The following AFAP1 variants were observed in gnomAD, a reference collection of about 807,000 sequenced individuals.
The protein encoded by AFAP1 is actin filament-associated protein 1.
AFAP1 carries 75 observed loss-of-function variants against 93.9 expected under a neutral mutation model. The ratio of observed to expected loss-of-function variants is 0.80; its 90% CI spans 0.66 to 0.97. The LOEUF is 0.97. AFAP1 is among the 50% of genes least tolerant of loss of function. The pLI is 0.00. For synonymous variants in AFAP1, 517 were observed against 430.7 expected, an observed-to-expected ratio of 1.20 and a Z score of -2.48; for missense variants, 1,201 against 1,050.8, an observed-to-expected ratio of 1.14 and a Z score of -1.98.
intron 14 of AFAP1, chr4:7,777,293 T>C (rs1716234723): frequency 6.6e-6 from 1 of 152,074 alleles, no homozygotes; most frequent in Non-Finnish European, 1.5e-5. Context: ...CAAATGGTGG[T>C]AGGAGGGAGG....
At chr4:7,857,849 A>G (rs150322988) in intron 3 of AFAP1, among the ~76,000 whole-genome samples, 10 of 152,068 alleles carry the variant, frequency 6.6e-5, no homozygotes, top group Non-Finnish European at 1.0e-4. Context: ...GCCCCAAGGA[A>G]CTTACTCTCT....
chr4:7,931,106 G>T (rs62290598), intron 1 of AFAP1, among the ~76,000 whole-genome samples: 11,176 of 152,204 alleles, frequency 0.073, 588 homozygotes, highest in Non-Finnish European at 0.11. Flanking sequence ...GGCAACAGGA[G>T]GAGCGGGGAG....
chr4:7,922,688 A>G (rs1194859855), intron 1 of AFAP1, among the ~76,000 whole-genome samples: 4 of 152,210 alleles, frequency 2.6e-5, no homozygotes, highest in Non-Finnish European at 5.9e-5. Flanking sequence ...GATCTTAACA[A>G]TGAAAAATCA....
chr4:7,876,685 T>C (rs1321224467), intron 1 of AFAP1, among the ~76,000 whole-genome samples: 1 of 152,216 alleles, frequency 6.6e-6, no homozygotes, highest in Non-Finnish European at 1.5e-5. Context: ...CTCGGAAAAC[T>C]GGGCTGCACT....
chr4:7,781,717 C>G, intron 12 of AFAP1, 90 bp from the exon 13 acceptor site: 1 of 1,488,548 alleles, frequency 6.7e-7, no homozygotes, highest in Non-Finnish European at 9.0e-7. Flanking sequence ...AATAGTACGG[C>G]ATTTAGCATA....
intron 4 of AFAP1, among the ~76,000 whole-genome samples, chr4:7,848,607 C>T (rs1486832164): frequency 4.6e-5 from 7 of 152,180 alleles, no homozygotes; most frequent in Admixed American, 3.9e-4. Flanking sequence ...CTCTGGGCCT[C>T]CAGCCTATCG....
chr4:7,854,176 T>A (rs1258620928), intron 4 of AFAP1, among the ~76,000 whole-genome samples: 1 of 152,248 alleles, frequency 6.6e-6, no homozygotes, highest in African/African-American at 2.4e-5. Flanking sequence ...CTGAGTTATA[T>A]CGAGGCATTT....
chr4:7,859,524 C>A (rs1715437414), intron 3 of AFAP1, among the ~76,000 whole-genome samples: 1 of 152,114 alleles, frequency 6.6e-6, no homozygotes, highest in Admixed American at 6.5e-5. Flanking sequence ...TGATCTTCAC[C>A]CCTGCTGTGA....
intron 10 of AFAP1, among the ~76,000 whole-genome samples, chr4:7,798,451 GC>G (rs1718691907): frequency 9.0e-6 from 1 of 110,904 alleles, no homozygotes; most frequent in Non-Finnish European, 2.0e-5. Flanking sequence ...AACCCTATTG[GC>G]TGGCTCACGG....
chr4:7,764,545 T>C (rs1249895146), intron 17 of AFAP1, among the ~76,000 whole-genome samples: 1 of 152,122 alleles, frequency 6.6e-6, no homozygotes, highest in East Asian at 1.9e-4. Flanking sequence ...ATGCTTAAAA[T>C]GGTCAATTTT....
At chr4:7,902,244 G>A (rs559229704) in intron 1 of AFAP1, among the ~76,000 whole-genome samples, 10 of 152,274 alleles carry the variant, frequency 6.6e-5, no homozygotes, top group South Asian at 2.1e-4. Context: ...CATGTGATGC[G>A]TGGAAGTAAA....
Position 7,874,188 on chromosome 4 carries a change from T to A in AFAP1, c.-2-2108A>T, listed in dbSNP as rs141595594. On this transcript the variant is annotated intron_variant, in intron 1 of 17. Transcript: ENST00000420658. ...AGCAAAATAAACTAAACTATTCTAA[T>A]GTAACAGAGGATGGCACAGCTTCAG... 4.4e-3 allele frequency among the ~76,000 whole-genome samples: 663 copies of A among 152,258 alleles called. 6 individuals carry two copies. The highest frequency in any genetic ancestry group is 0.014 in the African/African-American group (575 of 41,546).
At chr4:7,825,282 C>G (rs1721323979) in intron 6 of AFAP1, among the ~76,000 whole-genome samples, 1 of 152,194 alleles carries the variant, frequency 6.6e-6, no homozygotes, top group Non-Finnish European at 1.5e-5. Flanking sequence ...CTTTCCATCA[C>G]TCTAGCGCAC....
Position 7,923,144 on chromosome 4 carries a change from A to G in AFAP1, c.-3+16512T>C, listed in dbSNP as rs548471785. ...AGCTATTATAAGAAGACAAGACTCA[A>G]TTAAGACATAAGCAAAGGCCCTGGG... On this transcript the variant is annotated intron_variant, in intron 1 of 17. Coordinates refer to ENST00000420658, the MANE Select transcript of AFAP1 (RefSeq NM_001134647.2). Among the ~76,000 whole-genome samples the G allele has an allele frequency of 4.7e-4, 71 of 152,274 alleles. 1 individual carries two copies. The highest frequency in any genetic ancestry group is 1.6e-3 in the African/African-American group (68 of 41,566).
chr4:7,820,571 A>T lies in AFAP1; in HGVS notation c.727-1400T>A, dbSNP rs554814265. Among the ~76,000 whole-genome samples the T allele has an allele frequency of 2.0e-5, 3 of 152,260 alleles. No individual in the cohort carries two copies. The South Asian group carries it at 6.2e-4, about 32-fold the overall frequency. On this transcript the variant is annotated intron_variant, in intron 6 of 17. Coordinates refer to ENST00000420658, the MANE Select transcript of AFAP1 (RefSeq NM_001134647.2). The stretch of plus-strand genomic sequence containing the variant: ...AACCAGGAGAGCACAGTCTCCAAGG[A>T]GAGGGAGAAGAGAGCTCCACGGAGG...
At chr4:7,839,054 G>A (rs75531780) in intron 5 of AFAP1, among the ~76,000 whole-genome samples, 6,815 of 152,240 alleles carry the variant, frequency 0.045, 235 homozygotes, top group Non-Finnish European at 0.071. Flanking sequence ...AAAAACATAG[G>A]CTGGGCACGA....
Position 7,821,302 on chromosome 4 carries a change from G to A in AFAP1, c.727-2131C>T, listed in dbSNP as rs192477195. On this transcript the variant is annotated intron_variant, in intron 6 of 17. Transcript: ENST00000420658. ...TGGAAGAAGTCTAAGCCAGCATGTG[G>A]CACGTGTACATTCAAACCATGGAAG... is the stretch of plus-strand genomic sequence containing the variant. 3.5e-3 allele frequency among the ~76,000 whole-genome samples: 527 copies of A among 152,294 alleles called. 2 individuals are homozygous for A. Among genetic ancestry groups the A allele is most frequent in the Non-Finnish European group, 4.5e-3 (307 of 68,036 alleles).
chr4:7,858,621 T>C (rs956799419), intron 3 of AFAP1, among the ~76,000 whole-genome samples: 9 of 152,136 alleles, frequency 5.9e-5, no homozygotes, highest in East Asian at 5.8e-4. Flanking sequence ...AGGTTTCCAA[T>C]AGGGGCCACG....
rs58075483 is a variant in AFAP1, at chr4:7,827,569, CAAAAAAAA to C, written c.727-8406_727-8399del. The stretch of plus-strand genomic sequence containing the variant: ...ATGAACAAGAGTGAAACTCTGTCTC[CAAAAAAAA>C]AAAAAAAAAAAAAGGGAGAGGAGAG... On this transcript the variant is annotated intron_variant, in intron 6 of 17. Transcript: ENST00000420658. 9.4e-4 allele frequency among the ~76,000 whole-genome samples: 49 copies of C among 52,254 alleles called. 2 individuals are homozygous for C. Among genetic ancestry groups the C allele is most frequent in the African/African-American group, 3.8e-3 (47 of 12,504 alleles). The allele number at this position is 52,254 out of a possible 152,430, so 34.3% of individuals were successfully genotyped here. A position where few individuals can be genotyped will look rare whatever the true frequency, so the allele number is the denominator to read the frequency against.
Sources: gnomAD v4.1 joint callset for allele counts (sites outside exome capture counted in the v4.1 genomes callset) on GRCh38, gnomAD v4.1.1 for gene constraint, MANE v1.5 for transcripts, NCBI Gene and HGNC (gene_info 2026-07-23, HGNC 2026-07-21) for gene names.